The following UGT1A4 variants were observed in gnomAD, a reference collection of about 807,000 sequenced individuals.
The protein encoded by UGT1A4 is UDP-glucuronosyltransferase 1A4.
UGT1A4 carries 32 observed loss-of-function variants against 41.1 expected under a neutral mutation model. That is an observed-to-expected ratio of 0.78 (90% CI 0.59 to 1.05). The LOEUF (loss-of-function observed/expected upper bound fraction) is 1.05. Ranked by LOEUF, UGT1A4 falls within the 50% of genes least tolerant of loss-of-function variation. The pLI is 0.00. For missense variants in UGT1A4, 748 were observed against 677.4 expected (o/e 1.10, Z -1.16); for synonymous variants, 283 against 265.1 (o/e 1.07, Z -0.66).
chr2:233,726,380 C>G (rs534421761), intron 1 of UGT1A4, among the ~76,000 whole-genome samples: 22 of 152,296 alleles, frequency 1.4e-4, no homozygotes, highest in African/African-American at 4.1e-4. Flanking sequence ...ACCAAAATTG[C>G]TTCCATCTCA....
In UGT1A4 at chr2:233,718,782, C is replaced by A. The variant is rs199517966; in HGVS notation, c.-39C>A. The A allele has an allele frequency of 1.2e-6, 2 of 1,612,936 alleles. No homozygotes were observed. Among genetic ancestry groups the A allele is most frequent in the East Asian group, 2.2e-5 (1 of 44,888 alleles). On this transcript the variant is annotated 5_prime_UTR_variant, in exon 1 of 5. Coordinates refer to ENST00000373409, the MANE Select transcript of UGT1A4 (RefSeq NM_007120.3). ...AAGGAAACAAATGTAGCAGGCACAG[C>A]GTGGGGTGGACAGTCAGCTGTCGGT...
chr2:233,745,199 G>C (rs1446932556), intron 1 of UGT1A4, among the ~76,000 whole-genome samples: 2 of 151,776 alleles, frequency 1.3e-5, no homozygotes, highest in Non-Finnish European at 2.9e-5. Context: ...AAAACAACCA[G>C]GGAGATCCTC....
intron 1 of UGT1A4, chr2:233,729,817 T>C: frequency 4.3e-6 from 7 of 1,613,956 alleles, no homozygotes; most frequent in Non-Finnish European, 5.9e-6. Flanking sequence ...TTCTGCTCCT[T>C]ATGCAAGCCT....
chr2:233,734,316 G>A (rs901431667), intron 1 of UGT1A4, among the ~76,000 whole-genome samples: 3 of 152,136 alleles, frequency 2.0e-5, no homozygotes, highest in Admixed American at 6.5e-5. Context: ...TTGTGTAGAC[G>A]TATTTATAGT....
At chr2:233,755,804 T>G (rs1335569789) in intron 1 of UGT1A4, 3 of 152,158 alleles carry the variant, frequency 2.0e-5, no homozygotes, top group African/African-American at 7.2e-5. Context: ...CATTAGAGAT[T>G]AAAACAGAAT....
chr2:233,748,300 T>C lies in UGT1A4; in HGVS notation c.868-18734T>C, dbSNP rs533693857. ...AAGAAGAGGCAGACATGAATGTTTA[T>C]CAAAGGATGGACTAGGACTGATGTG... On this transcript the variant is annotated intron_variant, in intron 1 of 4. Transcript: ENST00000373409. Among the ~76,000 whole-genome samples, 169 of 151,842 alleles carry C rather than the reference T, an allele frequency of 1.1e-3. 1 individual carries two copies. Among genetic ancestry groups the C allele is most frequent in the Non-Finnish European group, 1.3e-3 (90 of 68,016 alleles).
chr2:233,719,470 C>T lies in UGT1A4; in HGVS notation c.650C>T (p.Pro217Leu), dbSNP rs568794982. The part of the protein sequence containing the change: ...FLQRVKNMLY[P>L]LALSYICHTF... ...CAAAGGGTCAAGAACATGCTCTACCCTCTGGCCCTGTCCTACATTTGCCAT... is the reference window on the plus strand; with the variant it reads ...CAAAGGGTCAAGAACATGCTCTACCTTCTGGCCCTGTCCTACATTTGCCAT... The change falls in exon 1 of 5, where the codon CCT becomes CTT. Residue 217 changes from proline to leucine, a missense_variant. Physicochemically the swap from Pro to Leu is moderately conservative, Grantham distance 98. Transcript: ENST00000373409. 1 of 1,613,998 alleles carries T rather than the reference C, an allele frequency of 6.2e-7. No homozygotes were observed. The highest frequency in any genetic ancestry group is 1.1e-5 in the South Asian group (1 of 91,076).
rs2076787703 is a variant in UGT1A4, at chr2:233,719,615, C to A, written c.795C>A (p.Tyr265Ter). The A allele has an allele frequency of 6.2e-7, 1 of 1,614,016 alleles. No individual in the cohort carries two copies. The highest frequency in any genetic ancestry group is 8.5e-7 in the Non-Finnish European group (1 of 1,179,932). The change falls in exon 1 of 5, where the codon TAC becomes TAA. Residue 265 changes from tyrosine (Y) to a stop codon, truncating the protein, a stop_gained. Coordinates refer to ENST00000373409, the MANE Select transcript of UGT1A4 (RefSeq NM_007120.3). LOFTEE classifies it high-confidence loss of function. The stretch of plus-strand genomic sequence containing the variant: ...TCCGAGGGGACTTTGTGATGGACTA[C>A]CCCAGGCCGATCATGCCCAACATGG... Reference protein sequence around the residue: ...WLFRGDFVMDYPRPIMPNMVF... With the variant: ...WLFRGDFVMD
chr2:233,757,129 T>C (rs1190338249), intron 1 of UGT1A4, among the ~76,000 whole-genome samples: 1 of 150,874 alleles, frequency 6.6e-6, no homozygotes, highest in Non-Finnish European at 1.5e-5. Context: ...AGAGGAGGAA[T>C]GAGCTTGGAC....
chr2:233,754,591 G>T (rs1279768336), intron 1 of UGT1A4: 4 of 429,060 alleles, frequency 9.3e-6, no homozygotes, highest in South Asian at 6.6e-5. Context: ...TATTATGAAG[G>T]ACTTTAACTC....
intron 1 of UGT1A4, chr2:233,743,958 G>C (rs747210262): frequency 1.5e-6 from 2 of 1,336,694 alleles, no homozygotes; most frequent in Non-Finnish European, 2.0e-6. Flanking sequence ...GGCACAGCGA[G>C]CGGCAAGGCT....
At chr2:233,758,820 C>T (rs1028156613) in intron 1 of UGT1A4, among the ~76,000 whole-genome samples, 2 of 152,084 alleles carry the variant, frequency 1.3e-5, no homozygotes, top group African/African-American at 4.8e-5. Context: ...GCAGTATATC[C>T]CCCCCAAAAA....
At chr2:233,750,158 G>A (rs1271989660) in intron 1 of UGT1A4, among the ~76,000 whole-genome samples, 2 of 151,878 alleles carry the variant, frequency 1.3e-5, no homozygotes, top group Non-Finnish European at 2.9e-5. Flanking sequence ...TTGTTGAATG[G>A]TTTTGACCAA....
chr2:233,727,319 C>A (rs1000765944), intron 1 of UGT1A4, among the ~76,000 whole-genome samples: 1 of 152,168 alleles, frequency 6.6e-6, no homozygotes, highest in Non-Finnish European at 1.5e-5. Flanking sequence ...GTTTCCCAGG[C>A]ACCAGGAGCT....
At chr2:233,724,403 T>TG (rs2077252164) in intron 1 of UGT1A4, among the ~76,000 whole-genome samples, 1 of 115,960 alleles carries the variant, frequency 8.6e-6, no homozygotes, top group Non-Finnish European at 1.8e-5. Flanking sequence ...ACTTCCCAGA[T>TG]GGGGTGGCTG....
chr2:233,737,494 C>G (rs1180844627), intron 1 of UGT1A4, among the ~76,000 whole-genome samples: 1 of 152,208 alleles, frequency 6.6e-6, no homozygotes, highest in Admixed American at 6.5e-5. Context: ...AGGGAAATCC[C>G]TCACCCTCTT....
intron 1 of UGT1A4, among the ~76,000 whole-genome samples, chr2:233,746,331 A>C (rs1482608381): frequency 6.6e-6 from 1 of 151,784 alleles, no homozygotes; most frequent in Admixed American, 6.5e-5. Flanking sequence ...TCTACAGGGC[A>C]ATGGACATGT....
At chr2:233,761,196 T>G (rs761284519) in intron 1 of UGT1A4, 1 of 1,614,142 alleles carries the variant, frequency 6.2e-7, no homozygotes. Context: ...TTCTTTCAGA[T>G]GTATTACTTT....
At chr2:233,729,409 G>C (rs1264400033) in intron 1 of UGT1A4, 1 of 1,613,762 alleles carries the variant, frequency 6.2e-7, no homozygotes, top group South Asian at 1.1e-5. Context: ...CCATGTGCTG[G>C]GCCACACTCA....
Sources: gnomAD v4.1 joint callset for allele counts (sites outside exome capture counted in the v4.1 genomes callset) on GRCh38, gnomAD v4.1.1 for gene constraint, MANE v1.5 for transcripts, NCBI Gene and HGNC (gene_info 2026-07-23, HGNC 2026-07-21) for gene names.